STK10: variants seen among roughly 807,000 people sequenced by gnomAD.
The protein encoded by STK10 is serine/threonine-protein kinase 10.
A neutral mutation model predicts 113.8 loss-of-function variants in STK10; 78 were observed. That is an observed-to-expected ratio of 0.69 (90% CI 0.57 to 0.83). The LOEUF is 0.83. Ranked by LOEUF, STK10 falls within the 40% of genes least tolerant of loss-of-function variation. The pLI is 0.00. For missense variants in STK10, 1,109 were observed against 1,280.1 expected (o/e 0.87, Z 2.04); for synonymous variants, 465 against 494.7 (o/e 0.94, Z 0.80).
intron 1 of STK10, among the ~76,000 whole-genome samples, chr5:172,186,999 C>T (rs1030030490): frequency 7.2e-5 from 11 of 152,158 alleles, no homozygotes; most frequent in African/African-American, 2.2e-4. Context: ...GAGGTATACA[C>T]CAATTTAACA....
At position 172,153,460 on chromosome 5, in the gene STK10, TG is replaced by T. The variant is rs11343971; in HGVS notation, c.321+3163del. On this transcript the variant is annotated intron_variant, in intron 2 of 18. Coordinates refer to ENST00000176763, the MANE Select transcript of STK10 (RefSeq NM_005990.4). Reference sequence around the variant, plus strand: ...AAGGAAGCACAGACGGATTTTGCCATGATTACAAATTCTGAACAAAAATGAG... The same window carrying T: ...AAGGAAGCACAGACGGATTTTGCCATATTACAAATTCTGAACAAAAATGAG... 6.7e-3 allele frequency among the ~76,000 whole-genome samples: 1,021 copies of T among 152,314 alleles called. 18 individuals are homozygous for T. Among genetic ancestry groups the T allele is most frequent in the African/African-American group, 0.023 (952 of 41,562 alleles).
chr5:172,094,028 C>T, intron 8 of STK10, 68 bp from the exon 9 acceptor site: 1 of 1,212,572 alleles, frequency 8.2e-7, no homozygotes. Context: ...GTCAGAGATG[C>T]AGTGGAGAAA....
chr5:172,103,551 C>T (rs532117226), intron 7 of STK10, among the ~76,000 whole-genome samples: 2 of 152,200 alleles, frequency 1.3e-5, no homozygotes, highest in African/African-American at 4.8e-5. Flanking sequence ...TGGCCCCAAG[C>T]GGCTTGGACA....
In STK10 at chr5:172,054,381, G is replaced by C. The variant is rs571380816; in HGVS notation, c.2652+188C>G. Among the ~76,000 whole-genome samples, 3 of 152,314 alleles carry C rather than the reference G, an allele frequency of 2.0e-5. No homozygotes were observed. The South Asian group carries it at 6.2e-4, about 32-fold the overall frequency. ...TTAGGGGTGTGAGAGCTATGGCTTAGGAGGGTGATATGATTTGCCCAACCT... is the reference window on the plus strand; with the variant it reads ...TTAGGGGTGTGAGAGCTATGGCTTACGAGGGTGATATGATTTGCCCAACCT... On this transcript the variant is annotated intron_variant, in intron 17 of 18. Transcript: ENST00000176763.
Position 172,128,073 on chromosome 5 carries a change from G to A in STK10, c.322-652C>T, listed in dbSNP as rs536444571. 4.7e-3 allele frequency among the ~76,000 whole-genome samples: 714 copies of A among 152,236 alleles called. 5 individuals are homozygous for A. The highest frequency in any genetic ancestry group is 0.017 in the South Asian group (83 of 4,826). ...CACACTGACAGGCTGCAGGCCCCGG[G>A]AGAACAACCAGGTCTAGGCCCTCAA... On this transcript the variant is annotated intron_variant, in intron 2 of 18. Coordinates refer to ENST00000176763, the MANE Select transcript of STK10 (RefSeq NM_005990.4).
chr5:172,181,603 C>G (rs1197257117), intron 1 of STK10, among the ~76,000 whole-genome samples: 2 of 151,860 alleles, frequency 1.3e-5, no homozygotes, highest in Non-Finnish European at 2.9e-5. Flanking sequence ...CTGCCTCACC[C>G]TCCCTGAGTA....
chr5:172,123,098 A>G (rs928411810), intron 3 of STK10, among the ~76,000 whole-genome samples: 1 of 152,206 alleles, frequency 6.6e-6, no homozygotes, highest in Non-Finnish European at 1.5e-5. Context: ...GAAACCTGGA[A>G]TGGACCTCAG....
chr5:172,113,539 A>T (rs6872212), intron 4 of STK10, among the ~76,000 whole-genome samples: 18,735 of 152,234 alleles, frequency 0.12, 1,174 homozygotes, highest in Middle Eastern at 0.15. Context: ...CTTTAAGGAT[A>T]TGGAGGAATA....
chr5:172,056,876 GAAAGAAAGAAAGA>G (rs1767786793), intron 15 of STK10: 1 of 142,942 alleles, frequency 7.0e-6, no homozygotes, highest in African/African-American at 2.9e-5. Flanking sequence ...CATCTCGAAA[GAAAGAAAGAAAGA>G]AAAGAAAGAA....
rs1396380420 is a variant in STK10, at chr5:172,045,410, T to C, written c.2767-388A>G. 6.4e-6 allele frequency: 3 copies of C among 469,960 alleles called. No homozygotes were observed. The East Asian group carries it at 2.0e-4, about 31-fold the overall frequency. The allele number at this position is 469,960 out of a possible 1,614,324, so 29.1% of individuals were successfully genotyped here. A position where few individuals can be genotyped will look rare whatever the true frequency, so the allele number is the denominator to read the frequency against. On this transcript the variant is annotated intron_variant, in intron 18 of 18. Coordinates refer to ENST00000176763, the MANE Select transcript of STK10 (RefSeq NM_005990.4). ...AGCAGAGATGTCAGAAGTTTTTTTTTTCAAAATACACATGCCTGAGTTGAG... is the reference window on the plus strand; with the variant it reads ...AGCAGAGATGTCAGAAGTTTTTTTTCTCAAAATACACATGCCTGAGTTGAG...
chr5:172,113,865 A>G (rs1229597801), intron 4 of STK10, among the ~76,000 whole-genome samples: 1 of 152,052 alleles, frequency 6.6e-6, no homozygotes, highest in Non-Finnish European at 1.5e-5. Flanking sequence ...GAGAGCTAAG[A>G]TCGTGCCATT....
chr5:172,108,067 C>T, intron 4 of STK10: 1 of 468,862 alleles, frequency 2.1e-6, no homozygotes, highest in Non-Finnish European at 3.8e-6. Flanking sequence ...GCACTGGCAG[C>T]AGCCTTCAGG....
intron 1 of STK10, among the ~76,000 whole-genome samples, chr5:172,181,128 C>T (rs771513897): frequency 1.3e-5 from 2 of 152,226 alleles, no homozygotes; most frequent in African/African-American, 2.4e-5. Context: ...AGATTGCACA[C>T]ACACCTCCTT....
intron 7 of STK10, among the ~76,000 whole-genome samples, chr5:172,099,263 C>G (rs574928502): frequency 1.1e-4 from 17 of 152,246 alleles, no homozygotes; most frequent in African/African-American, 3.6e-4. Context: ...CGTTATGGCC[C>G]GGCACAGTGG....
At chr5:172,116,789 A>G (rs1769395871) in intron 4 of STK10, among the ~76,000 whole-genome samples, 1 of 152,084 alleles carries the variant, frequency 6.6e-6, no homozygotes, top group Non-Finnish European at 1.5e-5. Flanking sequence ...AATCACTTGA[A>G]CTGAGGAGGT....
intron 1 of STK10, among the ~76,000 whole-genome samples, chr5:172,157,060 T>C (rs1770363021): frequency 6.6e-6 from 1 of 152,036 alleles, no homozygotes; most frequent in Admixed American, 6.6e-5. Flanking sequence ...ATTTGTTCAG[T>C]AAAAAACGAA....
At chr5:172,147,377 C>T (rs1770106877) in intron 2 of STK10, among the ~76,000 whole-genome samples, 1 of 152,000 alleles carries the variant, frequency 6.6e-6, no homozygotes, top group African/African-American at 2.4e-5. Context: ...AGACCTGCTG[C>T]TCAGACTTTT....
chr5:172,178,416 C>T (rs979768202), intron 1 of STK10, among the ~76,000 whole-genome samples: 7 of 152,192 alleles, frequency 4.6e-5, no homozygotes, highest in Non-Finnish European at 7.3e-5. Flanking sequence ...TCCCCGCTCT[C>T]GGCTGGCTGC....
intron 1 of STK10, among the ~76,000 whole-genome samples, chr5:172,166,272 G>T (rs1033962505): frequency 6.6e-6 from 1 of 152,184 alleles, no homozygotes; most frequent in African/African-American, 2.4e-5. Context: ...AGTGCTACTG[G>T]CTCTGTGGAA....
Sources: gnomAD v4.1 joint callset for allele counts (sites outside exome capture counted in the v4.1 genomes callset) on GRCh38, gnomAD v4.1.1 for gene constraint, MANE v1.5 for transcripts, NCBI Gene and HGNC (gene_info 2026-07-23, HGNC 2026-07-21) for gene names.